Variants in TECPR2 observed in about 807,000 individuals in gnomAD.
TECPR2 encodes tectonin beta-propeller repeat containing 2.
Under a neutral mutation model 138.1 loss-of-function variants are expected in TECPR2, and 65 were observed. The ratio of observed to expected loss-of-function variants is 0.47; its 90% CI spans 0.39 to 0.58. TECPR2 has a LOEUF of 0.58. TECPR2 is among the 20% of genes least tolerant of loss of function. TECPR2 has a pLI of 0.00. For missense variants in TECPR2, 1,553 were observed against 1,824.5 expected (o/e 0.85, Z 2.71); for synonymous variants, 746 against 749.8 (o/e 0.99, Z 0.08).
At chr14:102,406,449 G>A (rs142060825) in intron 2 of TECPR2, among the ~76,000 whole-genome samples, 94 of 152,314 alleles carry the variant, frequency 6.2e-4, no homozygotes, top group African/African-American at 2.2e-3. Flanking sequence ...AGTAGGCTGA[G>A]GCAGGAGAAT....
In TECPR2 at chr14:102,434,511, A is replaced by G; in HGVS notation, c.1694A>G (p.Asp565Gly). 6.4e-7 allele frequency: 1 copy of G among 1,560,220 alleles called. No homozygotes were observed. The highest frequency in any genetic ancestry group is 8.7e-7 in the Non-Finnish European group (1 of 1,152,942). The change falls in exon 9 of 20, where the codon GAC (aspartate) becomes GGC (glycine). Residue 565 changes from aspartate to glycine, a missense_variant. Asp to Gly is a moderately conservative substitution (Grantham distance 94, BLOSUM62 -1). Coordinates refer to ENST00000359520, the MANE Select transcript of TECPR2 (RefSeq NM_014844.5). Reference protein sequence around the residue: ...SMPDSLAEEDDIRTEMPHCHH... With the variant: ...SMPDSLAEEDGIRTEMPHCHH... ...CCTGATTCTCTGGCTGAGGAAGATG[A>G]CATTAGAACTGAAATGCCACACTGT...
At chr14:102,422,370 G>A (rs1295026169) in intron 5 of TECPR2, among the ~76,000 whole-genome samples, 1 of 152,168 alleles carries the variant, frequency 6.6e-6, no homozygotes, top group Non-Finnish European at 1.5e-5. Flanking sequence ...CCTCACCAAT[G>A]TTGTTGAAGG....
chr14:102,496,362 G>T (rs1891280162), intron 17 of TECPR2, among the ~76,000 whole-genome samples: 1 of 152,234 alleles, frequency 6.6e-6, no homozygotes, highest in South Asian at 2.1e-4. Flanking sequence ...GGAGTTGCCG[G>T]TGGACAGCAA....
chr14:102,433,199 TTTTA>T (rs547540268), intron 8 of TECPR2, among the ~76,000 whole-genome samples: 1 of 151,912 alleles, frequency 6.6e-6, no homozygotes, highest in South Asian at 2.1e-4. Context: ...TTTTTTCAAC[TTTTA>T]TTTTAAATAC....
intron 7 of TECPR2, among the ~76,000 whole-genome samples, chr14:102,431,551 C>T (rs183504777): frequency 4.6e-5 from 7 of 152,036 alleles, no homozygotes; most frequent in Non-Finnish European, 7.4e-5. Context: ...ACTGTGTTAG[C>T]CAGGATGGTC....
chr14:102,401,432 T>TC lies in TECPR2; in HGVS notation c.220-5904dup, dbSNP rs1888474419. ...CCAGCCTGGGCAACAAGAGCAAAACTCCATCTCAAAAAAAAAAAAAAAAAC... is the reference window on the plus strand; with the variant it reads ...CCAGCCTGGGCAACAAGAGCAAAACTCCCATCTCAAAAAAAAAAAAAAAAAC... On this transcript the variant is annotated intron_variant, in intron 2 of 19. Transcript: ENST00000359520. Among the ~76,000 whole-genome samples the TC allele has an allele frequency of 3.1e-5, 3 of 97,358 alleles. 1 individual carries two copies. The highest frequency in any genetic ancestry group is 6.1e-5 in the Non-Finnish European group (3 of 49,194). The allele number at this position is 97,358 out of a possible 152,430, so 63.9% of individuals were successfully genotyped here. A position where few individuals can be genotyped will look rare whatever the true frequency, so the allele number is the denominator to read the frequency against.
At position 102,450,695 on chromosome 14, in the gene TECPR2, C is replaced by G. The variant is rs370597966; in HGVS notation, c.3406+46C>G. Reference sequence around the variant, plus strand: ...CTGAAGAATCTAGAGCACAGCTTGGCCATTGGAAAGGTTCAAACCACAGTC... The same window carrying G: ...CTGAAGAATCTAGAGCACAGCTTGGGCATTGGAAAGGTTCAAACCACAGTC... On this transcript the variant is annotated intron_variant, in intron 15 of 19. Coordinates refer to ENST00000359520, the MANE Select transcript of TECPR2 (RefSeq NM_014844.5). The G allele has an allele frequency of 3.8e-6, 6 of 1,592,116 alleles. No individual in the cohort carries two copies. The African/African-American group carries it at 8.1e-5, about 21-fold the overall frequency.
chr14:102,477,717 ATTTTTT>A (rs35417768), intron 17 of TECPR2, among the ~76,000 whole-genome samples: 14 of 117,206 alleles, frequency 1.2e-4, no homozygotes, highest in Admixed American at 1.1e-3. Context: ...TGCCCGGCAA[ATTTTTT>A]TTTTTTTTTT....
rs551942128 is a variant in TECPR2, at chr14:102,411,630, C to A, written c.481-3006C>A. Among the ~76,000 whole-genome samples, 57 of 139,560 alleles carry A rather than the reference C, an allele frequency of 4.1e-4. 1 individual carries two copies. Among genetic ancestry groups the A allele is most frequent in the South Asian group, 1.9e-3 (8 of 4,308 alleles). The allele number at this position is 139,560 out of a possible 152,430, so 91.6% of individuals were successfully genotyped here. On this transcript the variant is annotated intron_variant, in intron 4 of 19. Transcript: ENST00000359520. ...TCCTATAAAACGGCCCCACCCCTAT[C>A]TCCCTCTGCTGACTCTCTTTTCGGA...
chr14:102,438,291 A>AGGGCTCCCCTGCAGCAGCTCT (rs1567342133), intron 10 of TECPR2, 86 bp downstream of exon 10: 4 of 1,462,278 alleles, frequency 2.7e-6, no homozygotes, highest in Middle Eastern at 2.5e-4. Flanking sequence ...ATCTTAGTAC[A>AGGGCTCCCCTGCAGCAGCTCT]GGGCTCCCCT....
At chr14:102,454,273 A>C (rs8006063) in intron 16 of TECPR2, among the ~76,000 whole-genome samples, 1,599 of 152,244 alleles carry the variant, frequency 0.011, 32 homozygotes, top group African/African-American at 0.037. Flanking sequence ...CCATTCCGTA[A>C]AGCAAGCATC....
chr14:102,489,703 C>CAAGAAA (rs1891113270), intron 17 of TECPR2, among the ~76,000 whole-genome samples: 1 of 134,052 alleles, frequency 7.5e-6, no homozygotes, highest in African/African-American at 2.8e-5. Context: ...AAAACTGTGT[C>CAAGAAA]AAAAAAAAAA....
intron 16 of TECPR2, among the ~76,000 whole-genome samples, chr14:102,464,174 A>G (rs985987696): frequency 5.3e-5 from 8 of 152,184 alleles, no homozygotes; most frequent in African/African-American, 1.9e-4. Context: ...CTAATCGTGT[A>G]TCATTGTTGT....
intron 12 of TECPR2, among the ~76,000 whole-genome samples, chr14:102,445,358 C>T (rs1889944796): frequency 6.6e-6 from 1 of 151,680 alleles, no homozygotes; most frequent in African/African-American, 2.4e-5. Flanking sequence ...TGGAGGCGCT[C>T]AGGGGCCTTG....
chr14:102,446,382 C>T lies in TECPR2; in HGVS notation c.3075+435C>T, dbSNP rs1286245743. 1.6e-4 allele frequency among the ~76,000 whole-genome samples: 25 copies of T among 152,090 alleles called. 1 individual carries two copies. Among genetic ancestry groups the T allele is most frequent in the Admixed American group, 1.5e-3 (23 of 15,254 alleles). On this transcript the variant is annotated intron_variant, in intron 13 of 19. Coordinates refer to ENST00000359520, the MANE Select transcript of TECPR2 (RefSeq NM_014844.5). ...GAGAGGCCAAGGCAGGCAGATCACT[C>T]GAGTCCAGGAGTTCAAAGCCAGCCT... is the stretch of plus-strand genomic sequence containing the variant.
At chr14:102,492,005 T>C (rs1168849046) in intron 17 of TECPR2, among the ~76,000 whole-genome samples, 1 of 152,034 alleles carries the variant, frequency 6.6e-6, no homozygotes, top group Non-Finnish European at 1.5e-5. Flanking sequence ...CTGCCAGTGG[T>C]AGGGGTGGTA....
At chr14:102,398,305 G>A (rs982438991) in intron 2 of TECPR2, among the ~76,000 whole-genome samples, 19 of 152,078 alleles carry the variant, frequency 1.2e-4, no homozygotes, top group Non-Finnish European at 2.4e-4. Context: ...AAATTATCAA[G>A]TCTGACAAAC....
At chr14:102,413,844 G>C (rs1045972711) in intron 4 of TECPR2, among the ~76,000 whole-genome samples, 1 of 151,654 alleles carries the variant, frequency 6.6e-6, no homozygotes, top group South Asian at 2.1e-4. Flanking sequence ...TGCTACCTGG[G>C]CTAGAGTGCA....
intron 1 of TECPR2, among the ~76,000 whole-genome samples, chr14:102,369,044 C>T (rs917008245): frequency 6.6e-6 from 1 of 152,124 alleles, no homozygotes; most frequent in Non-Finnish European, 1.5e-5. Context: ...GGCAGCCCTG[C>T]GCTCCCTCCC....
Sources: gnomAD v4.1 joint callset for allele counts (sites outside exome capture counted in the v4.1 genomes callset) on GRCh38, gnomAD v4.1.1 for gene constraint, MANE v1.5 for transcripts, NCBI Gene and HGNC (gene_info 2026-07-23, HGNC 2026-07-21) for gene names.